FHIT: variants seen among roughly 807,000 people sequenced by gnomAD.
FHIT encodes fragile histidine triad diadenosine triphosphatase.
Under a neutral mutation model 17.9 loss-of-function variants are expected in FHIT, and 19 were observed. That is an observed-to-expected ratio of 1.06 (90% CI 0.74 to 1.56). FHIT has a LOEUF of 1.56. Among genes scored for constraint, FHIT ranks in the 40% most tolerant of loss-of-function variants. FHIT has a pLI of 0.00. For synonymous variants in FHIT, 81 were observed against 69.7 expected (o/e 1.16, Z -0.81); for missense variants, 248 against 189.2 (o/e 1.31, Z -1.82).
intron 2 of FHIT, among the ~76,000 whole-genome samples, chr3:61,079,250 C>T (rs145295442): frequency 7.1e-4 from 108 of 152,218 alleles, no homozygotes; most frequent in Non-Finnish European, 1.3e-3. Flanking sequence ...AATATACTGC[C>T]TGGAGATTTA....
At chr3:60,805,287 G>A (rs1215827005) in intron 4 of FHIT, among the ~76,000 whole-genome samples, 12 of 152,168 alleles carry the variant, frequency 7.9e-5, no homozygotes, top group Non-Finnish European at 4.4e-5. Context: ...GGATTGTGTG[G>A]CTTAAACAAC....
chr3:60,116,155 C>A (rs998924413), intron 5 of FHIT, among the ~76,000 whole-genome samples: 22 of 152,174 alleles, frequency 1.4e-4, no homozygotes, highest in African/African-American at 5.3e-4. Flanking sequence ...AAGCAGTAGA[C>A]AGATACAAAG....
At chr3:60,089,986 T>C (rs1703662340) in intron 5 of FHIT, among the ~76,000 whole-genome samples, 1 of 152,214 alleles carries the variant, frequency 6.6e-6, no homozygotes. Context: ...CCATCACTTA[T>C]GTAGTGCTTA....
chr3:60,274,123 A>G (rs746875497), intron 5 of FHIT, among the ~76,000 whole-genome samples: 5 of 152,020 alleles, frequency 3.3e-5, no homozygotes, highest in Non-Finnish European at 7.4e-5. Flanking sequence ...TCTGCCTTCT[A>G]CTCTCAGTTC....
chr3:60,354,591 G>C (rs1413711807), intron 5 of FHIT, among the ~76,000 whole-genome samples: 5 of 152,048 alleles, frequency 3.3e-5, no homozygotes, highest in Non-Finnish European at 5.9e-5. Flanking sequence ...AAAAAGCAAA[G>C]GTTCAAATAT....
At chr3:60,465,472 T>A (rs76957738) in intron 5 of FHIT, among the ~76,000 whole-genome samples, 1 of 152,250 alleles carries the variant, frequency 6.6e-6, no homozygotes, top group African/African-American at 2.4e-5. Context: ...CCAAGACCAA[T>A]GTCCTGGAGA....
chr3:60,826,911 T>G (rs1318105855), intron 3 of FHIT, among the ~76,000 whole-genome samples: 2 of 152,208 alleles, frequency 1.3e-5, no homozygotes, highest in Non-Finnish European at 2.9e-5. Flanking sequence ...TTCAGCAGAT[T>G]TCGCAATTTT....
chr3:60,472,903 C>T (rs1057100302), intron 5 of FHIT, among the ~76,000 whole-genome samples: 1 of 151,992 alleles, frequency 6.6e-6, no homozygotes, highest in Non-Finnish European at 1.5e-5. Context: ...AAAACAAATG[C>T]CTCAAATACC....
chr3:59,857,972 C>G (rs1052780975), intron 8 of FHIT, among the ~76,000 whole-genome samples: 6 of 152,082 alleles, frequency 3.9e-5, no homozygotes, highest in Admixed American at 3.9e-4. Context: ...CCCAGAGCTT[C>G]CAGTTCCCCT....
rs375394278 is a variant in FHIT at position 60,182,614 on chromosome 3, CA to C, written c.104-168463del. Among the ~76,000 whole-genome samples the C allele has an allele frequency of 1.2e-4, 18 of 151,834 alleles. No homozygotes were observed. In the South Asian group the frequency reaches 3.3e-3, roughly 28 times the overall value. On this transcript the variant is annotated intron_variant, in intron 5 of 9. Coordinates refer to ENST00000492590, the MANE Select transcript of FHIT (RefSeq NM_002012.4). The stretch of plus-strand genomic sequence containing the variant: ...GCAACATGGCAAGTTCCTGTCTCTA[CA>C]AAAAAATATAACAACAAAAAAGTCA...
intron 4 of FHIT, among the ~76,000 whole-genome samples, chr3:60,646,325 C>T (rs1329125506): frequency 3.3e-5 from 5 of 151,944 alleles, no homozygotes; most frequent in Admixed American, 1.3e-4. Flanking sequence ...ATCAAGTGAG[C>T]AAAATGGTAT....
intron 5 of FHIT, among the ~76,000 whole-genome samples, chr3:60,192,924 G>C (rs1453687372): frequency 1.3e-5 from 2 of 152,174 alleles, no homozygotes; most frequent in East Asian, 1.9e-4. Flanking sequence ...TGAAGTGATT[G>C]GTCTGCCACT....
intron 8 of FHIT, among the ~76,000 whole-genome samples, chr3:59,787,990 G>C (rs1699386369): frequency 6.6e-6 from 1 of 152,192 alleles, no homozygotes; most frequent in African/African-American, 2.4e-5. Flanking sequence ...AGTGTTCTAG[G>C]AAGTGCCCTC....
At chr3:60,735,362 T>C (rs548315487) in intron 4 of FHIT, among the ~76,000 whole-genome samples, 1 of 152,248 alleles carries the variant, frequency 6.6e-6, no homozygotes, top group South Asian at 2.1e-4. Context: ...ATGGTGTAGA[T>C]GGAGCTAACT....
At chr3:60,795,891 G>A (rs556466181) in intron 4 of FHIT, among the ~76,000 whole-genome samples, 2 of 152,264 alleles carry the variant, frequency 1.3e-5, no homozygotes, top group East Asian at 1.9e-4. Context: ...TTTTCAAGGT[G>A]TGTTAGTCTG....
chr3:60,205,966 A>C (rs1355655948), intron 5 of FHIT, among the ~76,000 whole-genome samples: 1 of 150,452 alleles, frequency 6.6e-6, no homozygotes, highest in Non-Finnish European at 1.5e-5. Context: ...AATAAAAAAA[A>C]ATAAAAAAAT....
intron 5 of FHIT, among the ~76,000 whole-genome samples, chr3:60,499,415 G>A (rs574059847): frequency 1.3e-5 from 2 of 151,966 alleles, no homozygotes; most frequent in African/African-American, 2.4e-5. Context: ...TTTTTGAAAC[G>A]GAGTCTCGCT....
At chr3:60,462,639 T>C (rs1265018471) in intron 5 of FHIT, among the ~76,000 whole-genome samples, 1 of 151,992 alleles carries the variant, frequency 6.6e-6, no homozygotes, top group Non-Finnish European at 1.5e-5. Context: ...GATAAAGGGC[T>C]TGGAGAGCAG....
chr3:60,262,468 G>A (rs1328625754), intron 5 of FHIT, among the ~76,000 whole-genome samples: 2 of 151,902 alleles, frequency 1.3e-5, no homozygotes. Flanking sequence ...ACCCTTTTTG[G>A]TTCTGGGAAA....
Sources: allele counts gnomAD v4.1 joint callset (sites outside exome capture counted in the v4.1 genomes callset), GRCh38; gene constraint gnomAD v4.1.1; transcripts MANE v1.5; gene names NCBI Gene and HGNC (gene_info 2026-07-23, HGNC 2026-07-21).